Variants in PCDHGB2 observed in about 807,000 individuals in gnomAD.
PCDHGB2 encodes protocadherin gamma subfamily B, 2.
Under a neutral mutation model 59.3 loss-of-function variants are expected in PCDHGB2, and 55 were observed. The observed-to-expected ratio is 0.93, with a 90% CI of 0.75 to 1.16. The LOEUF (loss-of-function observed/expected upper bound fraction) is 1.16, where lower values mean the gene tolerates loss of function less well. Ranked by LOEUF, PCDHGB2 falls within the 50% of genes most tolerant of loss-of-function variation. PCDHGB2 has a pLI of 0.00. For missense variants in PCDHGB2, 1,228 were observed against 1,198.5 expected (o/e 1.02, Z -0.36); for synonymous variants, 516 against 512.0 (o/e 1.01, Z -0.11).
rs768985461 is a variant in PCDHGB2, at chr5:141,403,714, C to T, written c.2421+41158C>T. ...TTTACCGAGTTAAAGTCCTTGAGAA[C>T]GTGCCCCCAGGCACCTGGCTGCTTA... On this transcript the variant is annotated intron_variant, in intron 1 of 3. Transcript: ENST00000522605. 10 of 1,613,792 alleles carry T rather than the reference C, an allele frequency of 6.2e-6. No homozygotes were observed. In the South Asian group the frequency reaches 6.6e-5, roughly 11 times the overall value.
rs753845173 is a variant in PCDHGB2, at chr5:141,490,873, C to T, written c.2422-3934C>T. On this transcript the variant is annotated intron_variant, in intron 1 of 3. Coordinates refer to ENST00000522605, the MANE Select transcript of PCDHGB2 (RefSeq NM_018923.3). The surrounding 1 kb of genome is among the most constrained non-coding windows in gnomAD (Gnocchi z 5.4). Reference sequence around the variant, plus strand: ...TCGAGACTCCGGCTCTCCCCCATTGCATGCCAACACATCTCTGCATGTGTT... The same window carrying T: ...TCGAGACTCCGGCTCTCCCCCATTGTATGCCAACACATCTCTGCATGTGTT... 5.6e-6 allele frequency: 9 copies of T among 1,613,884 alleles called. No homozygotes were observed. The highest frequency in any genetic ancestry group is 7.6e-6 in the Non-Finnish European group (9 of 1,179,908).
In PCDHGB2 at chr5:141,505,419, C is replaced by T; in HGVS notation, c.2507C>T (p.Thr836Ile). 3 of 1,614,258 alleles carry T rather than the reference C, an allele frequency of 1.9e-6. No homozygotes were observed. Among genetic ancestry groups the T allele is most frequent in the Non-Finnish European group, 2.5e-6 (3 of 1,180,054 alleles). Residue 836 changes from threonine to isoleucine, a missense_variant, in exon 3 of 4, where the codon ACC becomes ATC. By Grantham distance (89) the Thr-to-Ile change is moderately conservative. Around this residue, in one of 3 missense-constraint regions of PCDHGB2, gnomAD observed 433 missense variants for 441.8 expected, o/e 0.98. Transcript: ENST00000522605. The part of the protein sequence containing the change: ...SGSQNGDDTG[T>I]WPNNQFDTEM... ...TCCCAAAATGGCGATGACACCGGCA[C>T]CTGGCCCAACAACCAGTTTGACACA...
In PCDHGB2 at chr5:141,423,130, G is replaced by T. The variant is rs770258338; in HGVS notation, c.2421+60574G>T. The T allele has an allele frequency of 2.5e-6, 4 of 1,613,700 alleles. No homozygotes were observed. Among genetic ancestry groups the T allele is most frequent in the Non-Finnish European group, 2.5e-6 (3 of 1,179,952 alleles). ...GGTGCGTACAGCGCGGGCACTGCTG[G>T]ACAGAGACGCGCTCAAGCAGAGCCT... On this transcript the variant is annotated intron_variant, in intron 1 of 3. Coordinates refer to ENST00000522605, the MANE Select transcript of PCDHGB2 (RefSeq NM_018923.3).
At chr5:141,405,596 A>T (rs1024672340) in intron 1 of PCDHGB2, 2 of 578,622 alleles carry the variant, frequency 3.5e-6, no homozygotes, top group Admixed American at 6.3e-5. Flanking sequence ...AGGCCTCCCA[A>T]GTAGAATAAC....
At chr5:141,413,980 A>C in intron 1 of PCDHGB2, 12 of 1,613,530 alleles carry the variant, frequency 7.4e-6, no homozygotes, top group Non-Finnish European at 1.0e-5. Flanking sequence ...GCTGACAGTC[A>C]CAGCCACCGA....
chr5:141,487,377 C>T lies in PCDHGB2; in HGVS notation c.2422-7430C>T, dbSNP rs758216933. Reference sequence around the variant, plus strand: ...CCTGCTGGCACCTGTGCCTGTCTCACCAGATCTCGAAGGAGGGAGGGGCTT... The same window carrying T: ...CCTGCTGGCACCTGTGCCTGTCTCATCAGATCTCGAAGGAGGGAGGGGCTT... On this transcript the variant is annotated intron_variant, in intron 1 of 3. Transcript: ENST00000522605. The surrounding 1 kb of genome is among the most constrained non-coding windows in gnomAD (Gnocchi z 5.0). 6.2e-7 allele frequency: 1 copy of T among 1,614,190 alleles called. No homozygotes were observed. Among genetic ancestry groups the T allele is most frequent in the Non-Finnish European group, 8.5e-7 (1 of 1,180,034 alleles).
In PCDHGB2 at chr5:141,454,484, G is replaced by A. The variant is rs555881095; in HGVS notation, c.2422-40323G>A. On this transcript the variant is annotated intron_variant, in intron 1 of 3. Transcript: ENST00000522605. The stretch of plus-strand genomic sequence containing the variant: ...TGCAATGGCATGATCTCAGCTCACC[G>A]CAACCTCCACCTCCTGGATTCAGGC... Among the ~76,000 whole-genome samples, 7 of 152,218 alleles carry A rather than the reference G, an allele frequency of 4.6e-5. No individual in the cohort carries two copies. In the East Asian group the frequency reaches 7.7e-4, roughly 17 times the overall value.
At chr5:141,481,822 G>A (rs1017311512) in intron 1 of PCDHGB2, among the ~76,000 whole-genome samples, 12 of 151,620 alleles carry the variant, frequency 7.9e-5, no homozygotes, top group Non-Finnish European at 1.5e-4. Context: ...CGTGGTGGCT[G>A]AGGCAGGAGA....
In PCDHGB2 at chr5:141,485,822, G is replaced by A. The variant is rs750883983; in HGVS notation, c.2422-8985G>A. 6.2e-7 allele frequency: 1 copy of A among 1,614,192 alleles called. No individual in the cohort carries two copies. The highest frequency in any genetic ancestry group is 1.1e-5 in the South Asian group (1 of 91,080). ...CCGCCTGGTGCTGACTGCTGTCGAT[G>A]GAGGGAACCCGCCGAGATCTGGCAC... On this transcript the variant is annotated intron_variant, in intron 1 of 3. Transcript: ENST00000522605. This position sits in a 1 kb window ranked among gnomAD's most constrained non-coding sequence, Gnocchi z 5.7.
chr5:141,394,912 T>C (rs1205097386), intron 1 of PCDHGB2: 11 of 1,613,694 alleles, frequency 6.8e-6, no homozygotes, highest in Non-Finnish European at 9.3e-6. Context: ...GTGGCTGCCA[T>C]CTCCTGTGTC....
Position 141,399,568 on chromosome 5 carries a change from G to A in PCDHGB2, c.2421+37012G>A, listed in dbSNP as rs776963716. ...CTCGGACCTGGACTTGGGGTTGAAC[G>A]GCCAAGTCTCCTACTCTATCATGGC... is the stretch of plus-strand genomic sequence containing the variant. On this transcript the variant is annotated intron_variant, in intron 1 of 3. Transcript: ENST00000522605. The A allele has an allele frequency of 3.1e-6, 5 of 1,613,926 alleles. No individual in the cohort carries two copies. The East Asian group carries it at 8.9e-5, about 29-fold the overall frequency.
At chr5:141,371,254 A>T in intron 1 of PCDHGB2, 1 of 1,614,046 alleles carries the variant, frequency 6.2e-7, no homozygotes, top group Admixed American at 1.7e-5. Context: ...ATTGGCAAGG[A>T]AGTGAGACAA....
intron 1 of PCDHGB2, chr5:141,428,224 G>A (rs1232582892): frequency 1.7e-6 from 2 of 1,164,198 alleles, no homozygotes; most frequent in Non-Finnish European, 1.3e-6. Flanking sequence ...AGTCTTCGCA[G>A]ACAGCCTGCA....
At chr5:141,381,812 CTTTCT>C (rs1426701973) in intron 1 of PCDHGB2, among the ~76,000 whole-genome samples, 18 of 129,486 alleles carry the variant, frequency 1.4e-4, no homozygotes, top group African/African-American at 3.6e-4. Context: ...TTCTTTCTTT[CTTTCT>C]TTCTTCTTCT....
rs368927472 is a variant in PCDHGB2 at position 141,490,874 on chromosome 5, A to G, written c.2422-3933A>G. The G allele has an allele frequency of 2.4e-5, 39 of 1,613,830 alleles. No individual in the cohort carries two copies. Among genetic ancestry groups the G allele is most frequent in the Non-Finnish European group, 3.1e-5 (36 of 1,179,960 alleles). ...CGAGACTCCGGCTCTCCCCCATTGCATGCCAACACATCTCTGCATGTGTTT... is the reference window on the plus strand; with the variant it reads ...CGAGACTCCGGCTCTCCCCCATTGCGTGCCAACACATCTCTGCATGTGTTT... On this transcript the variant is annotated intron_variant, in intron 1 of 3. Transcript: ENST00000522605. This position sits in a 1 kb window ranked among gnomAD's most constrained non-coding sequence, Gnocchi z 5.4.
At chr5:141,389,572 C>T in intron 1 of PCDHGB2, 3 of 1,613,282 alleles carry the variant, frequency 1.9e-6, no homozygotes, top group Non-Finnish European at 2.5e-6. Flanking sequence ...GTGCTGTACC[C>T]CGCGCTGGGT....
intron 1 of PCDHGB2, among the ~76,000 whole-genome samples, chr5:141,369,728 G>A (rs948180332): frequency 2.0e-5 from 3 of 152,180 alleles, no homozygotes; most frequent in Admixed American, 2.0e-4. Context: ...GAAGTTAGAA[G>A]TAAAGGAAAT....
At chr5:141,390,385 C>A in intron 1 of PCDHGB2, 1 of 1,430,582 alleles carries the variant, frequency 7.0e-7, no homozygotes, top group Non-Finnish European at 9.5e-7. Context: ...TTTTAGATGT[C>A]ATGGATCATT....
chr5:141,377,395 C>T (rs1468880998), intron 1 of PCDHGB2: 1 of 151,984 alleles, frequency 6.6e-6, no homozygotes, highest in Non-Finnish European at 1.5e-5. Context: ...CCCTTGAGAC[C>T]AGGAGTTTGA....
Sources: gnomAD v4.1 joint callset for allele counts (sites outside exome capture counted in the v4.1 genomes callset) on GRCh38, gnomAD v4.1.1 for gene constraint, gnomAD v4.1.1 regional missense constraint, Gnocchi (gnomAD v3.1) non-coding constraint, MANE v1.5 for transcripts, NCBI Gene and HGNC (gene_info 2026-07-23, HGNC 2026-07-21) for gene names.